PDE1A: variants seen among roughly 807,000 people sequenced by gnomAD.
PDE1A encodes phosphodiesterase 1A, also known as dual specificity calcium/calmodulin-dependent 3',5'-cyclic nucleotide phosphodiesterase 1A.
A neutral mutation model predicts 61.7 loss-of-function variants in PDE1A; 35 were observed. That is an observed-to-expected ratio of 0.57 (90% CI 0.43 to 0.75). PDE1A has a LOEUF of 0.75. Ranked by LOEUF, PDE1A falls within the 30% of genes least tolerant of loss-of-function variation. The probability of loss-of-function intolerance (pLI) is 0.00; values close to 1 mark genes in which losing one functional copy is unlikely to be tolerated. For synonymous variants in PDE1A, 232 were observed against 213.2 expected (o/e 1.09, Z -0.77); for missense variants, 597 against 630.6 (o/e 0.95, Z 0.57).
chr2:182,279,948 C>T (rs1267987722), intron 1 of PDE1A, among the ~76,000 whole-genome samples: 4 of 151,746 alleles, frequency 2.6e-5, no homozygotes, highest in African/African-American at 7.3e-5. Flanking sequence ...CTATTGGCCT[C>T]CTGTTACGGT....
chr2:182,275,542 G>A (rs983406535), intron 1 of PDE1A, among the ~76,000 whole-genome samples: 4 of 152,046 alleles, frequency 2.6e-5, no homozygotes, highest in African/African-American at 9.7e-5. Flanking sequence ...AAGGTAGGTG[G>A]CATGTTGTTT....
the PDE1A span, among the ~76,000 whole-genome samples, chr2:182,666,857 A>T: frequency 2.6e-5 from 4 of 152,152 alleles, no homozygotes; most frequent in Non-Finnish European, 4.4e-5. Context: ...ATCAGTTCAT[A>T]TTAAGTGTCT....
chr2:182,608,457 G>C, the PDE1A span, among the ~76,000 whole-genome samples: 3 of 152,204 alleles, frequency 2.0e-5, no homozygotes, highest in South Asian at 6.2e-4. Flanking sequence ...AGGAGATGTG[G>C]AGGGAGAGGC....
At chr2:182,455,821 G>A (rs1433330109) in intron 2 of PDE1A, among the ~76,000 whole-genome samples, 1 of 151,836 alleles carries the variant, frequency 6.6e-6, no homozygotes, top group Admixed American at 6.6e-5. Context: ...ACGAGTTAAT[G>A]GGTGCAGCAC....
the PDE1A span, among the ~76,000 whole-genome samples, chr2:182,530,029 T>G: frequency 6.6e-6 from 1 of 152,140 alleles, no homozygotes; most frequent in Admixed American, 6.5e-5. Flanking sequence ...AAGGAAGCAA[T>G]TAAGACGATT....
chr2:182,243,848 T>G (rs913701031), intron 2 of PDE1A, among the ~76,000 whole-genome samples: 3 of 152,144 alleles, frequency 2.0e-5, no homozygotes, highest in Non-Finnish European at 4.4e-5. Flanking sequence ...AAAGTCTTAA[T>G]GGTATATTAT....
intron 1 of PDE1A, among the ~76,000 whole-genome samples, chr2:182,309,027 T>TA (rs59614735): frequency 0.39 from 56,689 of 145,908 alleles, 11,251 homozygotes; most frequent in Non-Finnish European, 0.47. Flanking sequence ...AGTCTTGCTT[T>TA]AAAAAAAAAA....
intron 1 of PDE1A, among the ~76,000 whole-genome samples, chr2:182,374,626 TATAA>T (rs1305579829): frequency 2.0e-5 from 3 of 152,164 alleles, no homozygotes; most frequent in Non-Finnish European, 4.4e-5. Flanking sequence ...ATCTTCTACA[TATAA>T]ATAATTAATA....
intron 1 of PDE1A, among the ~76,000 whole-genome samples, chr2:182,385,873 G>A (rs550681669): frequency 2.1e-4 from 29 of 138,180 alleles, no homozygotes; most frequent in South Asian, 4.8e-4. Flanking sequence ...CTCCCTCTCC[G>A]TCTCCCTCTC....
At chr2:182,313,196 G>A (rs960986462) in intron 1 of PDE1A, among the ~76,000 whole-genome samples, 14 of 152,114 alleles carry the variant, frequency 9.2e-5, no homozygotes, top group Non-Finnish European at 2.1e-4. Flanking sequence ...GGCAGATCAC[G>A]TAAGATCAGA....
chr2:182,268,707 C>A (rs10193166), intron 1 of PDE1A, among the ~76,000 whole-genome samples: 39,999 of 151,872 alleles, frequency 0.26, 5,416 homozygotes, highest in Middle Eastern at 0.37. Context: ...TCTCTTTCTC[C>A]CATGTTCCTA....
intron 2 of PDE1A, among the ~76,000 whole-genome samples, chr2:182,255,945 T>G (rs961532920): frequency 2.6e-5 from 4 of 151,722 alleles, no homozygotes; most frequent in Non-Finnish European, 5.9e-5. Context: ...GTGCTGGGAT[T>G]ACATGCGTGA....
chr2:182,313,060 T>C (rs1696095990), intron 1 of PDE1A, among the ~76,000 whole-genome samples: 1 of 152,238 alleles, frequency 6.6e-6, no homozygotes, highest in African/African-American at 2.4e-5. Flanking sequence ...CTGTTGCTAT[T>C]GTAAATATTA....
intron 2 of PDE1A, among the ~76,000 whole-genome samples, chr2:182,509,077 T>C (rs559207407): frequency 1.9e-4 from 29 of 152,138 alleles, no homozygotes; most frequent in African/African-American, 6.5e-4. Context: ...TTCTTGAATT[T>C]ATTTTCATTG....
intron 2 of PDE1A, among the ~76,000 whole-genome samples, chr2:182,437,691 C>A (rs1186803874): frequency 6.6e-6 from 1 of 151,914 alleles, no homozygotes; most frequent in Non-Finnish European, 1.5e-5. Context: ...TGCTTTTCAC[C>A]AGAGTCCACA....
At chr2:182,683,573 T>G in the PDE1A span, among the ~76,000 whole-genome samples, 1 of 152,148 alleles carries the variant, frequency 6.6e-6, no homozygotes, top group African/African-American at 2.4e-5. Flanking sequence ...TGGAGAAAGT[T>G]TTCTAACCCC....
chr2:182,667,645 G>T, the PDE1A span, among the ~76,000 whole-genome samples: 1 of 152,178 alleles, frequency 6.6e-6, no homozygotes, highest in Admixed American at 6.5e-5. Context: ...CTGCACATGT[G>T]AAGTCAACAA....
chr2:182,430,614 C>T (rs1383924537), upstream of PDE1A, among the ~76,000 whole-genome samples: 1 of 95,380 alleles, frequency 1.0e-5, no homozygotes, highest in African/African-American at 3.7e-5. Flanking sequence ...TGGGTATATA[C>T]CCAAAGGACT....
chr2:182,466,222 C>T (rs1172942511), intron 2 of PDE1A, among the ~76,000 whole-genome samples: 1 of 152,024 alleles, frequency 6.6e-6, no homozygotes, highest in African/African-American at 2.4e-5. Flanking sequence ...ATCTTCTATC[C>T]TACTATTTAA....
Sources: gnomAD v4.1 joint callset for allele counts (sites outside exome capture counted in the v4.1 genomes callset) on GRCh38, gnomAD v4.1.1 for gene constraint, MANE v1.5 for transcripts, NCBI Gene and HGNC (gene_info 2026-07-23, HGNC 2026-07-21) for gene names.